The following FGF2 variants were observed in gnomAD, a reference collection of about 807,000 sequenced individuals.
FGF2 encodes the protein fibroblast growth factor 2.
A neutral mutation model predicts 15.9 loss-of-function variants in FGF2; 13 were observed. The ratio of observed to expected loss-of-function variants is 0.82; its 90% confidence interval spans 0.53 to 1.30. FGF2 has a LOEUF of 1.30. FGF2 is among the 50% of genes most tolerant of loss of function. The probability of loss-of-function intolerance (pLI) is 0.00; values close to 1 mark genes in which losing one functional copy is unlikely to be tolerated. For synonymous variants in FGF2, 90 were observed against 78.4 expected (o/e 1.15, Z -0.78); for missense variants, 163 against 196.9 (o/e 0.83, Z 1.03).
chr4:122,829,667 C>T (rs533833861), intron 1 of FGF2, among the ~76,000 whole-genome samples: 5 of 152,264 alleles, frequency 3.3e-5, no homozygotes, highest in African/African-American at 9.6e-5. Context: ...AAGCAGTATA[C>T]ACTGAATCCA....
chr4:122,857,104 T>C (rs140149167), intron 1 of FGF2, among the ~76,000 whole-genome samples: 1 of 152,292 alleles, frequency 6.6e-6, no homozygotes, highest in African/African-American at 2.4e-5. Context: ...GTTAGTACTG[T>C]AATTATTCTT....
intron 1 of FGF2, among the ~76,000 whole-genome samples, chr4:122,847,416 T>C (rs2150769463): frequency 6.6e-6 from 1 of 152,258 alleles, no homozygotes; most frequent in East Asian, 1.9e-4. Context: ...GGACTGGGTT[T>C]GGTCTATGAG....
At position 122,895,498 on chromosome 4, in the gene FGF2, C is replaced by T. The variant is rs914763970; in HGVS notation, c.*3102C>T. On this transcript the variant is annotated 3_prime_UTR_variant, in exon 3 of 3. Coordinates refer to ENST00000644866, the MANE Select transcript of FGF2 (RefSeq NM_001361665.2). ...GAATGTGGGTTTTCCTGGTGTTTCC[C>T]TCTGACTCTAGTGCACTGATGATCT... 2.6e-5 allele frequency: 4 copies of T among 152,074 alleles called. No homozygotes were observed. The highest frequency in any genetic ancestry group is 9.7e-5 in the African/African-American group (4 of 41,408). 9.4% of individuals were successfully genotyped at this position (152,074 alleles called of 1,614,324 possible).
intron 2 of FGF2, among the ~76,000 whole-genome samples, chr4:122,879,742 A>G (rs1443101711): frequency 6.6e-6 from 1 of 152,232 alleles, no homozygotes; most frequent in Non-Finnish European, 1.5e-5. Context: ...TCTTAAATGG[A>G]TGGCAGTAGG....
chr4:122,826,972 G>T lies in FGF2; in HGVS notation c.-203G>T, dbSNP rs931304683. 7.6e-7 allele frequency: 1 copy of T among 1,317,196 alleles called. No homozygotes were observed. Among genetic ancestry groups the T allele is most frequent in the Non-Finnish European group, 9.7e-7 (1 of 1,030,596 alleles). 81.6% of individuals were successfully genotyped at this position (1,317,196 alleles called of 1,614,324 possible). ...CGGGCCGCCGGCTCGCCGCGCACCA[G>T]GGGCCGGCGGACAGAAGAGCGGCCG... On this transcript the variant is annotated 5_prime_UTR_variant, in exon 1 of 3. It adds an upstream start codon to the 5' untranslated region. Coordinates refer to ENST00000644866, the MANE Select transcript of FGF2 (RefSeq NM_001361665.2).
chr4:122,877,516 C>G (rs553608527), intron 2 of FGF2, among the ~76,000 whole-genome samples: 14 of 152,298 alleles, frequency 9.2e-5, no homozygotes, highest in Admixed American at 4.6e-4. Context: ...TCAACTTCAC[C>G]ATTATTATTA....
chr4:122,833,090 C>A (rs549959995), intron 1 of FGF2, among the ~76,000 whole-genome samples: 30 of 152,328 alleles, frequency 2.0e-4, no homozygotes, highest in African/African-American at 6.7e-4. Context: ...TCTCATCCAG[C>A]TGTCTTCTGT....
intron 1 of FGF2, among the ~76,000 whole-genome samples, chr4:122,832,821 A>G (rs1025181894): frequency 1.3e-5 from 2 of 152,200 alleles, no homozygotes; most frequent in Non-Finnish European, 2.9e-5. Context: ...TCCACTGTTC[A>G]GTTAGCTCCT....
chr4:122,842,855 A>G (rs1054554220), intron 1 of FGF2, among the ~76,000 whole-genome samples: 1 of 152,194 alleles, frequency 6.6e-6, no homozygotes, highest in African/African-American at 2.4e-5. Context: ...CTTATTAAAA[A>G]GCCATTTTTA....
At chr4:122,860,446 A>AATTTT in intron 1 of FGF2, among the ~76,000 whole-genome samples, 1 of 86,916 alleles carries the variant, frequency 1.2e-5, no homozygotes, top group Non-Finnish European at 2.8e-5. Context: ...CCTAAGGTTA[A>AATTTT]CTTTTTTTTT....
chr4:122,878,521 A>T (rs543134790), intron 2 of FGF2, among the ~76,000 whole-genome samples: 42 of 152,278 alleles, frequency 2.8e-4, no homozygotes, highest in Non-Finnish European at 8.8e-5. Context: ...GGGGAGGTAG[A>T]TAGACTGTCT....
At chr4:122,872,333 T>G (rs1369550276) in intron 1 of FGF2, among the ~76,000 whole-genome samples, 3 of 151,774 alleles carry the variant, frequency 2.0e-5, no homozygotes, top group Non-Finnish European at 4.4e-5. Context: ...GAAGAAAGAA[T>G]GTGAAGGAAT....
intron 1 of FGF2, among the ~76,000 whole-genome samples, chr4:122,855,054 G>A (rs1309926115): frequency 6.6e-6 from 1 of 152,072 alleles, no homozygotes; most frequent in African/African-American, 2.4e-5. Context: ...TTTTGTGGAT[G>A]AATGTGAACT....
chr4:122,891,340 G>A (rs975621657), intron 2 of FGF2, among the ~76,000 whole-genome samples: 2 of 151,632 alleles, frequency 1.3e-5, no homozygotes, highest in African/African-American at 2.4e-5. Flanking sequence ...GCGCCCGGCC[G>A]AACATTTATC....
chr4:122,851,051 G>A (rs916900416), intron 1 of FGF2, among the ~76,000 whole-genome samples: 16 of 151,984 alleles, frequency 1.1e-4, no homozygotes, highest in Admixed American at 5.2e-4. Context: ...TACTTCCCCT[G>A]CTCCCCCATC....
Position 122,892,636 on chromosome 4 carries a change from A to G in FGF2, c.*240A>G. Reference sequence around the variant, plus strand: ...CTGTTACCCAGTGAAGCTTACCTAGAGCAATGATCTTTTTCACGCATTTGC... The same window carrying G: ...CTGTTACCCAGTGAAGCTTACCTAGGGCAATGATCTTTTTCACGCATTTGC... On this transcript the variant is annotated 3_prime_UTR_variant, in exon 3 of 3. Coordinates refer to ENST00000644866, the MANE Select transcript of FGF2 (RefSeq NM_001361665.2). 1 of 1,421,814 alleles carries G rather than the reference A, an allele frequency of 7.0e-7. No homozygotes were observed. The highest frequency in any genetic ancestry group is 1.6e-5 in the South Asian group (1 of 63,508). 88.1% of individuals were successfully genotyped at this position (1,421,814 alleles called of 1,614,324 possible).
At chr4:122,857,223 T>A (rs1455645268) in intron 1 of FGF2, among the ~76,000 whole-genome samples, 1 of 151,416 alleles carries the variant, frequency 6.6e-6, no homozygotes, top group Non-Finnish European at 1.5e-5. Flanking sequence ...TTCTAGCCTT[T>A]CCGTGATGCT....
At chr4:122,877,116 C>CTT (rs113041646) in intron 2 of FGF2, among the ~76,000 whole-genome samples, 8 of 142,726 alleles carry the variant, frequency 5.6e-5, no homozygotes, top group African/African-American at 7.8e-5. Context: ...TTTTTTTTTT[C>CTT]TTTTTTTTTT....
At chr4:122,831,230 T>C (rs1490664407) in intron 1 of FGF2, among the ~76,000 whole-genome samples, 2 of 152,168 alleles carry the variant, frequency 1.3e-5, no homozygotes, top group Non-Finnish European at 1.5e-5. Flanking sequence ...CTTCTCTTCC[T>C]GCCATCCCTC....
Sources: allele counts gnomAD v4.1 joint callset (sites outside exome capture counted in the v4.1 genomes callset), GRCh38; gene constraint gnomAD v4.1.1; transcripts MANE v1.5; gene names NCBI Gene and HGNC (gene_info 2026-07-23, HGNC 2026-07-21).